Variants in AOPEP observed in about 807,000 individuals in gnomAD.
The protein encoded by AOPEP is aminopeptidase O (putative).
AOPEP carries 77 observed loss-of-function variants against 98.1 expected under a neutral mutation model. The observed-to-expected ratio is 0.78, with a 90% CI of 0.65 to 0.95. AOPEP has a LOEUF of 0.95. Among genes scored for constraint, AOPEP ranks in the 40% least tolerant of loss-of-function variants. The probability of loss-of-function intolerance (pLI) is 0.00; values close to 1 mark genes in which losing one functional copy is unlikely to be tolerated. For synonymous variants in AOPEP, 346 were observed against 365.3 expected, an observed-to-expected ratio of 0.95 and a Z score of 0.60; for missense variants, 1,024 against 1,024.7, an observed-to-expected ratio of 1.00 and a Z score of 0.01.
At chr9:95,083,067 G>A (rs1177697887) in intron 16 of AOPEP, 2 of 227,582 alleles carry the variant, frequency 8.8e-6, no homozygotes, top group African/African-American at 4.6e-5. Context: ...GATGGAATGG[G>A]AAGCCTGGCA....
At chr9:94,828,772 A>G (rs1443459351) in intron 5 of AOPEP, among the ~76,000 whole-genome samples, 2 of 151,644 alleles carry the variant, frequency 1.3e-5, no homozygotes, top group Admixed American at 1.3e-4. Flanking sequence ...ATATATATAA[A>G]TCACATACTT....
At chr9:94,812,110 A>G (rs1030279975) in intron 5 of AOPEP, among the ~76,000 whole-genome samples, 1 of 152,106 alleles carries the variant, frequency 6.6e-6, no homozygotes, top group South Asian at 2.1e-4. Context: ...TTCCTGTACT[A>G]TGTTTCTAAA....
intron 16 of AOPEP, chr9:95,086,178 C>A (rs1433235946): frequency 7.6e-7 from 1 of 1,320,642 alleles, no homozygotes; most frequent in Non-Finnish European, 1.0e-6. Flanking sequence ...AGGCCCGCGT[C>A]CACCCTGCGT....
In AOPEP at chr9:94,871,086, T is replaced by C. The variant is rs141731178; in HGVS notation, c.1365-52900T>C. Among the ~76,000 whole-genome samples, 337 of 152,368 alleles carry C rather than the reference T, an allele frequency of 2.2e-3. 1 individual carries two copies. The highest frequency in any genetic ancestry group is 4.0e-3 in the Non-Finnish European group (272 of 68,028). ...AGGCGCGACTCCCAGTTCCATTCTCTGCAAAGGTCTGTAGCCTGGAGGGCA... is the reference window on the plus strand; with the variant it reads ...AGGCGCGACTCCCAGTTCCATTCTCCGCAAAGGTCTGTAGCCTGGAGGGCA... On this transcript the variant is annotated intron_variant, in intron 5 of 16. Transcript: ENST00000375315.
At chr9:94,944,671 C>T (rs1334186308) in intron 7 of AOPEP, among the ~76,000 whole-genome samples, 3 of 152,160 alleles carry the variant, frequency 2.0e-5, no homozygotes, top group Admixed American at 6.6e-5. Context: ...CTCAAACAAT[C>T]CTCCCACCTT....
At chr9:94,795,837 A>G (rs1315293372) in intron 4 of AOPEP, among the ~76,000 whole-genome samples, 1 of 152,072 alleles carries the variant, frequency 6.6e-6, no homozygotes, top group Non-Finnish European at 1.5e-5. Context: ...AGCAAGTACA[A>G]CTCCTCTCTT....
In AOPEP at chr9:94,773,035, C is replaced by A. The variant is rs374006392; in HGVS notation, c.831C>A (p.Asn277Lys). 2 of 1,614,040 alleles carry A rather than the reference C, an allele frequency of 1.2e-6. No individual in the cohort carries two copies. Among genetic ancestry groups the A allele is most frequent in the Non-Finnish European group, 1.7e-6 (2 of 1,179,970 alleles). ...PCVYTVGSPINNRALFPCQEP... is the reference protein window; with the variant it reads ...PCVYTVGSPIKNRALFPCQEP... ...TTTATACTGTGGGATCTCCCATAAA[C>A]AACAGGGCCCTTTTTCCATGCCAGG... The change falls in exon 3 of 17, where the codon AAC (asparagine) becomes AAA (lysine). Residue 277 changes from asparagine to lysine, a missense_variant. This residue lies in a region of AOPEP where 440 missense variants were observed against 433.8 expected (regional missense o/e 1.01). Coordinates refer to ENST00000375315, the MANE Select transcript of AOPEP (RefSeq NM_001193329.3).
Position 95,005,575 on chromosome 9 carries a change from C to A in AOPEP, c.2074C>A (p.Arg692=). 1 of 1,613,904 alleles carries A rather than the reference C, an allele frequency of 6.2e-7. No individual in the cohort carries two copies. Among genetic ancestry groups the A allele is most frequent in the Non-Finnish European group, 8.5e-7 (1 of 1,179,916 alleles). Residue 692 remains arginine (R), a synonymous_variant, in exon 13 of 17, where the codon CGA becomes AGA. Coordinates refer to ENST00000375315, the MANE Select transcript of AOPEP (RefSeq NM_001193329.3). ...TKWIGVNRRP[R]KRKRREKEEV... ...ATGGATTGGAGTGAACCGGAGACCC[C>A]GAAAACGGAAGCGCAGGGAGAAGGA...
chr9:95,054,069 A>G (rs1022059300), intron 13 of AOPEP, among the ~76,000 whole-genome samples: 1 of 152,228 alleles, frequency 6.6e-6, no homozygotes, highest in African/African-American at 2.4e-5. Flanking sequence ...AAATGTGAAT[A>G]CAAGAAAAGT....
In AOPEP at chr9:94,919,844, G is replaced by A. The variant is rs1309600596; in HGVS notation, c.1365-4142G>A. ...CCTGCTGGACTTTAGAGGGCAATGA[G>A]CCTGGTTCCCCCCTCTCTCGGGTCT... On this transcript the variant is annotated intron_variant, in intron 5 of 16. Transcript: ENST00000375315. 2.0e-5 allele frequency among the ~76,000 whole-genome samples: 3 copies of A among 152,176 alleles called. No homozygotes were observed. In the East Asian group the frequency reaches 5.8e-4, roughly 29 times the overall value.
the AOPEP span, among the ~76,000 whole-genome samples, chr9:95,140,980 T>C: frequency 6.6e-6 from 1 of 152,048 alleles, no homozygotes; most frequent in African/African-American, 2.4e-5. Context: ...AAGTTTTCTG[T>C]GACTCAATTT....
chr9:95,130,913 T>G, the AOPEP span, among the ~76,000 whole-genome samples: 3 of 152,250 alleles, frequency 2.0e-5, no homozygotes, highest in East Asian at 5.8e-4. Flanking sequence ...TTTATAAATA[T>G]GTATTTTTTA....
chr9:95,068,363 G>T (rs2068124555), intron 14 of AOPEP, among the ~76,000 whole-genome samples: 1 of 152,102 alleles, frequency 6.6e-6, no homozygotes, highest in East Asian at 1.9e-4. Context: ...CATCCTGTTG[G>T]ATGTGACTTG....
chr9:94,896,910 G>GTTTTTTT (rs55947017), intron 5 of AOPEP, among the ~76,000 whole-genome samples: 1 of 115,902 alleles, frequency 8.6e-6, no homozygotes, highest in Admixed American at 8.7e-5. Flanking sequence ...ACTTTTGTGG[G>GTTTTTTT]TTTTTTTTTT....
chr9:94,880,192 T>C (rs2047402701), intron 5 of AOPEP, among the ~76,000 whole-genome samples: 1 of 152,196 alleles, frequency 6.6e-6, no homozygotes, highest in South Asian at 2.1e-4. Flanking sequence ...ACAGGTATCA[T>C]CTTCAATCTT....
intron 11 of AOPEP, among the ~76,000 whole-genome samples, chr9:95,002,051 T>C (rs1011581188): frequency 2.0e-5 from 3 of 152,030 alleles, no homozygotes; most frequent in Non-Finnish European, 2.9e-5. Context: ...AGTGCGGGGA[T>C]TACAGGTGTG....
chr9:94,894,675 G>A (rs994286172), intron 5 of AOPEP, among the ~76,000 whole-genome samples: 8 of 152,144 alleles, frequency 5.3e-5, no homozygotes, highest in African/African-American at 1.9e-4. Flanking sequence ...TTCATAGAAA[G>A]GAAGGCTTTC....
chr9:95,064,568 C>T lies in AOPEP; in HGVS notation c.2232+3758C>T, dbSNP rs1401871498. Among the ~76,000 whole-genome samples, 8 of 152,334 alleles carry T rather than the reference C, an allele frequency of 5.3e-5. No individual in the cohort carries two copies. The East Asian group carries it at 7.7e-4, about 15-fold the overall frequency. Reference sequence around the variant, plus strand: ...CTTCCCAAAGTGCTGGGATTACAGGCGTGAGCCACCGCGCCTGGCCTCGTC... The same window carrying T: ...CTTCCCAAAGTGCTGGGATTACAGGTGTGAGCCACCGCGCCTGGCCTCGTC... On this transcript the variant is annotated intron_variant, in intron 14 of 16. Coordinates refer to ENST00000375315, the MANE Select transcript of AOPEP (RefSeq NM_001193329.3).
At chr9:94,830,033 AT>A (rs1855594649) in intron 5 of AOPEP, among the ~76,000 whole-genome samples, 1 of 152,152 alleles carries the variant, frequency 6.6e-6, no homozygotes, top group Admixed American at 6.6e-5. Flanking sequence ...TTATTTATTT[AT>A]GTATTTATTC....
Sources: gnomAD v4.1 joint callset for allele counts (sites outside exome capture counted in the v4.1 genomes callset) on GRCh38, gnomAD v4.1.1 for gene constraint, gnomAD v4.1.1 regional missense constraint, MANE v1.5 for transcripts, NCBI Gene and HGNC (gene_info 2026-07-23, HGNC 2026-07-21) for gene names.